Variants in MAGED1 observed in about 807,000 individuals in gnomAD.
MAGED1 encodes MAGE family member D1.
In MAGED1, 3 loss-of-function variants were observed where a neutral mutation model predicts 54.1. The observed-to-expected ratio is 0.06, with a 90% confidence interval of 0.03 to 0.14. MAGED1 has a LOEUF of 0.14. Among genes scored for constraint, MAGED1 ranks in the 10% least tolerant of loss-of-function variants. The pLI, the probability that MAGED1 is intolerant of heterozygous loss-of-function variation, is 1.00. For missense variants in MAGED1, 485 were observed against 623.4 expected, an observed-to-expected ratio of 0.78 and a Z score of 2.36; for synonymous variants, 217 against 227.3, an observed-to-expected ratio of 0.95 and a Z score of 0.41.
At chrX:51,844,987 G>A (rs782401930) in intron 1 of MAGED1, among the ~76,000 whole-genome samples, 4 of 111,223 alleles carry the variant, frequency 3.6e-5, no homozygotes, top group African/African-American at 9.8e-5. Context: ...TAATCCCAGC[G>A]CTTTGGGAGG....
chrX:51,886,854 G>A (rs1557362854), intron 1 of MAGED1, among the ~76,000 whole-genome samples: 1 of 110,450 alleles, frequency 9.1e-6, no homozygotes, highest in African/African-American at 3.3e-5. Flanking sequence ...TCAGGAGTTC[G>A]AAACCAGCCT....
rs782066220 is a variant in MAGED1, at chrX:51,898,102, A to G, written c.1659-12A>G. 15 of 1,196,396 alleles carry G rather than the reference A, an allele frequency of 1.3e-5. No individual in the cohort carries two copies. The highest frequency in any genetic ancestry group is 1.1e-4 in the African/African-American group (6 of 56,651). On this transcript the variant is annotated splice_polypyrimidine_tract_variant and intron_variant, in intron 7 of 12. Transcript: ENST00000326587. ...TGGCTACTGAAAATATATTCTTTCTATATTCCCTTAGGACCAAAGACACAC... is the reference window on the plus strand; with the variant it reads ...TGGCTACTGAAAATATATTCTTTCTGTATTCCCTTAGGACCAAAGACACAC...
chrX:51,828,680 G>T (rs1206570107), intron 1 of MAGED1, among the ~76,000 whole-genome samples: 2 of 111,208 alleles, frequency 1.8e-5, no homozygotes, highest in Non-Finnish European at 1.9e-5. Context: ...TCTTGTAAGG[G>T]CAGGAGTGAC....
At chrX:51,879,677 C>T (rs1927989971) in intron 1 of MAGED1, among the ~76,000 whole-genome samples, 1 of 111,902 alleles carries the variant, frequency 8.9e-6, no homozygotes, top group African/African-American at 3.2e-5. Context: ...TCTTTCTCTT[C>T]TCCATCTGAT....
At chrX:51,894,940 C>T in intron 2 of MAGED1, 113 bp from the exon 3 acceptor site, 3 of 909,343 alleles carry the variant, frequency 3.3e-6, no homozygotes, top group Non-Finnish European at 4.5e-6. Context: ...TGTTTTTGCA[C>T]CCACCGCCCG....
intron 1 of MAGED1, among the ~76,000 whole-genome samples, chrX:51,878,651 G>A (rs1859098463): frequency 9.0e-6 from 1 of 111,633 alleles, no homozygotes; most frequent in Non-Finnish European, 1.9e-5. Flanking sequence ...ATTAATCCTT[G>A]AAAGCAGGTA....
chrX:51,889,886 CA>C (rs1416136369), upstream of MAGED1, among the ~76,000 whole-genome samples: 2 of 111,976 alleles, frequency 1.8e-5, no homozygotes, highest in Admixed American at 1.9e-4. Context: ...AGCAGGTCTG[CA>C]ATGTTCAAAC....
chrX:51,898,355 C>G (rs374221848), intron 9 of MAGED1, 28 bp downstream of exon 9: 105 of 1,202,777 alleles, frequency 8.7e-5, no homozygotes, highest in Non-Finnish European at 1.2e-4. Context: ...CATCTCTTGC[C>G]TGTTTGTGCC....
chrX:51,835,437 A>T (rs781803365), intron 1 of MAGED1, among the ~76,000 whole-genome samples: 1 of 111,095 alleles, frequency 9.0e-6, no homozygotes, highest in African/African-American at 3.3e-5. Flanking sequence ...TATGGAATGT[A>T]TATTGCTTTT....
Position 51,896,987 on chromosome X carries a change from C to T in MAGED1, c.1332C>T (p.Pro444=). Residue 444 remains proline, a synonymous_variant, in exon 4 of 13, where the codon CCC becomes CCT. Transcript: ENST00000326587. ...CACCTGACTGGCAGAACCTGCGCCC[C>T]TCGCCTAACCTGCGCCCTTCTCCCA... The part of the protein sequence containing the change: ...PIPPDWQNLR[P]SPNLRPSPNS... 1 of 1,211,156 alleles carries T rather than the reference C, an allele frequency of 8.3e-7. No individual in the cohort carries two copies.
chrX:51,881,416 C>A (rs782486778), intron 1 of MAGED1, among the ~76,000 whole-genome samples: 1 of 95,213 alleles, frequency 1.1e-5, no homozygotes, highest in East Asian at 3.1e-4. Flanking sequence ...TTTTTCTTTT[C>A]TTTTCTTTTT....
At chrX:51,818,795 A>G (rs782258996) in intron 1 of MAGED1, among the ~76,000 whole-genome samples, 1 of 112,066 alleles carries the variant, frequency 8.9e-6, no homozygotes, top group East Asian at 2.8e-4. Context: ...AACTCTGAGA[A>G]TCTCTAACCT....
chrX:51,806,193 C>T (rs1212237234), intron 1 of MAGED1, among the ~76,000 whole-genome samples: 2 of 109,431 alleles, frequency 1.8e-5, no homozygotes, highest in Admixed American at 9.7e-5. Flanking sequence ...AAGCTGGTCT[C>T]GAACTCCTGA....
intron 1 of MAGED1, among the ~76,000 whole-genome samples, chrX:51,837,675 G>A (rs880000064): frequency 1.1e-4 from 12 of 111,714 alleles, no homozygotes; most frequent in African/African-American, 3.9e-4. Context: ...CTATATTAAC[G>A]CATGAGAGGC....
chrX:51,834,332 A>T (rs901672433), intron 1 of MAGED1, among the ~76,000 whole-genome samples: 2 of 111,523 alleles, frequency 1.8e-5, no homozygotes, highest in South Asian at 7.5e-4. Context: ...CCTAACCACC[A>T]TAAAAACCCA....
chrX:51,816,395 G>A (rs1243420545), intron 1 of MAGED1, among the ~76,000 whole-genome samples: 4 of 111,624 alleles, frequency 3.6e-5, no homozygotes, highest in African/African-American at 9.8e-5. Flanking sequence ...GATTACAAGC[G>A]TGAGCCACCG....
rs148478147 is a variant in MAGED1 at position 51,894,206 on chromosome X, C to A, written c.-36-63C>A. 2,172 of 627,486 alleles carry A rather than the reference C, an allele frequency of 3.5e-3. 35 individuals are homozygous for A. In the African/African-American group the frequency reaches 0.04, roughly 12 times the overall value. The allele number at this position is 627,486 out of a possible 1,213,427, so 51.7% of individuals were successfully genotyped here. A position where few individuals can be genotyped will look rare whatever the true frequency, so the allele number is the denominator to read the frequency against. The stretch of plus-strand genomic sequence containing the variant: ...CCGCACAGTCAGACCACAGTCACCC[C>A]CCTCCCAATTAGGTCCTTCGTATTT... On this transcript the variant is annotated intron_variant, in intron 1 of 12. Transcript: ENST00000326587.
At chrX:51,883,591 G>T (rs911645759) in intron 1 of MAGED1, among the ~76,000 whole-genome samples, 11 of 112,344 alleles carry the variant, frequency 9.8e-5, no homozygotes, top group African/African-American at 3.6e-4. Context: ...GTCATAGTGA[G>T]AACTGTAATA....
chrX:51,837,897 T>C (rs1328933263), intron 1 of MAGED1, among the ~76,000 whole-genome samples: 1 of 112,768 alleles, frequency 8.9e-6, no homozygotes, highest in Non-Finnish European at 1.9e-5. Flanking sequence ...TGTCAGTTGG[T>C]TCATTTAAAT....
Sources: allele counts gnomAD v4.1 joint callset (sites outside exome capture counted in the v4.1 genomes callset), GRCh38; gene constraint gnomAD v4.1.1; transcripts MANE v1.5; gene names NCBI Gene and HGNC (gene_info 2026-07-23, HGNC 2026-07-21).